TRIM66: variants seen among roughly 807,000 people sequenced by gnomAD.
TRIM66 encodes tripartite motif-containing protein 66.
Under a neutral mutation model 148.2 loss-of-function variants are expected in TRIM66, and 99 were observed. That is an observed-to-expected ratio of 0.67 (90% CI 0.57 to 0.79). The LOEUF is 0.79. Ranked by LOEUF, TRIM66 falls within the 30% of genes least tolerant of loss-of-function variation. The probability of loss-of-function intolerance (pLI) is 0.00; values close to 1 mark genes in which losing one functional copy is unlikely to be tolerated. For synonymous variants in TRIM66, 616 were observed against 635.9 expected (o/e 0.97, Z 0.47); for missense variants, 1,666 against 1,697.9 (o/e 0.98, Z 0.33).
Position 8,621,199 on chromosome 11 carries a change from G to A in TRIM66, c.3378C>T (p.His1126=), listed in dbSNP as rs1420338593. The A allele has an allele frequency of 1.3e-6, 2 of 1,551,730 alleles. No homozygotes were observed. The highest frequency in any genetic ancestry group is 2.4e-5 in the South Asian group (2 of 84,062). Residue 1126 remains histidine, a synonymous_variant, in exon 20 of 25, where the codon CAC becomes CAT. Transcript: ENST00000646038. ...PEVEGTSPEE[H]RLIPRTPGAK... ...CTCCTGGGGTTCGAGGAATGAGTCT[G>A]TGTTCTTCAGGAGATGTGCCCTCCA...
intron 15 of TRIM66, 60 bp from the exon 16 acceptor site, chr11:8,625,288 A>G (rs2034715153): frequency 1.4e-6 from 2 of 1,443,466 alleles, no homozygotes; most frequent in Non-Finnish European, 1.8e-6. Flanking sequence ...AGGGAGGGAG[A>G]GGAGGGACCC....
Position 8,640,422 on chromosome 11 carries a change from G to A in TRIM66, c.1953C>T (p.Asp651=). ...CCAGCTCAAACTTGTGATGCATTATGTCCATGTTCTGAGAACAGGCAGGGC... is the reference window on the plus strand; with the variant it reads ...CCAGCTCAAACTTGTGATGCATTATATCCATGTTCTGAGAACAGGCAGGGC... ...PPGPACSQNM[D]IMHHKFELEE... is the part of the protein sequence containing the mutation. Residue 651 remains aspartate (D), a synonymous_variant, in exon 14 of 25, where the codon GAC becomes GAT. Transcript: ENST00000646038. The A allele has an allele frequency of 1.3e-6, 2 of 1,551,860 alleles. No individual in the cohort carries two copies. The highest frequency in any genetic ancestry group is 1.7e-6 in the Non-Finnish European group (2 of 1,147,072).
In TRIM66 at chr11:8,640,244, G is replaced by C; in HGVS notation, c.2131C>G (p.Gln711Glu). 6.4e-7 allele frequency: 1 copy of C among 1,551,508 alleles called. No individual in the cohort carries two copies. The highest frequency in any genetic ancestry group is 8.7e-7 in the Non-Finnish European group (1 of 1,146,886). Residue 711 changes from glutamine to glutamate, a missense_variant, in exon 14 of 25, where the codon CAG (glutamine) becomes GAG (glutamate). Around this residue, in one of 3 missense-constraint regions of TRIM66, gnomAD observed 1,431 missense variants for 1,412.4 expected, o/e 1.01. Transcript: ENST00000646038. ...RQPAPVQSQS[Q>E]EETLQATDEP... Reference sequence around the variant, plus strand: ...ACGCTTACCTGCAGGGTCTCCTCCTGGCTCTGGGACTGGACAGGTGCTGGC... The same window carrying C: ...ACGCTTACCTGCAGGGTCTCCTCCTCGCTCTGGGACTGGACAGGTGCTGGC...
At chr11:8,630,126 G>C (rs899819650) in intron 15 of TRIM66, among the ~76,000 whole-genome samples, 12 of 152,120 alleles carry the variant, frequency 7.9e-5, no homozygotes, top group Admixed American at 6.6e-4. Context: ...AGATGGGTGG[G>C]GGCAAGGGTA....
chr11:8,658,299 C>T (rs754294319), intron 6 of TRIM66, among the ~76,000 whole-genome samples: 11 of 152,236 alleles, frequency 7.2e-5, no homozygotes, highest in Non-Finnish European at 7.3e-5. Flanking sequence ...CTTCCTAATC[C>T]TCTGGGTGCC....
intron 4 of TRIM66, among the ~76,000 whole-genome samples, chr11:8,674,022 A>G (rs1472436326): frequency 6.6e-6 from 1 of 152,238 alleles, no homozygotes; most frequent in Non-Finnish European, 1.5e-5. Flanking sequence ...CCTTCTGGGC[A>G]TTATTTAGCA....
In TRIM66 at chr11:8,682,609, T is replaced by C. The variant is rs958753732; in HGVS notation, c.-556A>G. The C allele has an allele frequency of 3.2e-6, 2 of 628,980 alleles. No individual in the cohort carries two copies. Among genetic ancestry groups the C allele is most frequent in the Admixed American group, 2.8e-5 (1 of 35,872 alleles). The allele number at this position is 628,980 out of a possible 1,614,324, so 39.0% of individuals were successfully genotyped here. On this transcript the variant is annotated 5_prime_UTR_variant, in exon 1 of 25. Transcript: ENST00000646038. ...AGCACAACGAGCCTCACCGAAACCG[T>C]ACACCGCCACCAGGACACTCCGTGA... is the stretch of plus-strand genomic sequence containing the variant.
At chr11:8,681,978 T>C (rs1443605140) in intron 1 of TRIM66, among the ~76,000 whole-genome samples, 2 of 152,108 alleles carry the variant, frequency 1.3e-5, no homozygotes, top group Non-Finnish European at 1.5e-5. Flanking sequence ...CCCAGGCTGG[T>C]GTTGAACTAC....
intron 1 of TRIM66, among the ~76,000 whole-genome samples, chr11:8,680,277 A>T (rs920053812): frequency 6.6e-6 from 1 of 152,234 alleles, no homozygotes; most frequent in Non-Finnish European, 1.5e-5. Context: ...TCTGTTGGTC[A>T]TAAGGAGCTA....
At chr11:8,677,746 C>A (rs1419329909) in intron 3 of TRIM66, among the ~76,000 whole-genome samples, 1 of 152,178 alleles carries the variant, frequency 6.6e-6, no homozygotes, top group African/African-American at 2.4e-5. Flanking sequence ...ATAAGCTGTT[C>A]TCAAAGACTC....
At position 8,672,027 on chromosome 11, in the gene TRIM66, GC is replaced by G. The variant is rs1165644552; in HGVS notation, c.98del (p.Gly33AlafsTer10). 4 of 1,535,936 alleles carry G rather than the reference GC, an allele frequency of 2.6e-6. No homozygotes were observed. The South Asian group carries it at 4.8e-5, about 18-fold the overall frequency. ...TGCCCATGTCCACAGCCATGCCTGT[GC>G]CCAGGACTGGGGCTTTTCCACTGAT... is the stretch of plus-strand genomic sequence containing the variant. The part of the protein sequence containing the change: ...EDISGKAPVL[G>X]TGMAVDMGMS... On this transcript the variant is annotated frameshift_variant, in exon 6 of 25. Coordinates refer to ENST00000646038, the MANE Select transcript of TRIM66 (RefSeq NM_001388022.1). LOFTEE classifies it high-confidence loss of function.
chr11:8,649,537 A>G (rs746701544), intron 8 of TRIM66, among the ~76,000 whole-genome samples: 93 of 152,100 alleles, frequency 6.1e-4, no homozygotes, highest in Admixed American at 1.0e-3. Flanking sequence ...ATCCACACTC[A>G]TCCACCCCCA....
chr11:8,631,750 C>T (rs1442102865), intron 15 of TRIM66, among the ~76,000 whole-genome samples: 1 of 152,168 alleles, frequency 6.6e-6, no homozygotes, highest in Admixed American at 6.5e-5. Context: ...CCCAAGAAAA[C>T]CATATATTTA....
At chr11:8,682,216 G>A (rs375464509) in intron 1 of TRIM66, among the ~76,000 whole-genome samples, 2 of 152,368 alleles carry the variant, frequency 1.3e-5, no homozygotes, top group East Asian at 3.9e-4. Context: ...AAGCTGCAGT[G>A]CCCACTCAGA....
intron 6 of TRIM66, among the ~76,000 whole-genome samples, chr11:8,662,782 G>A (rs546723777): frequency 7.2e-5 from 11 of 152,200 alleles, no homozygotes; most frequent in African/African-American, 2.6e-4. Flanking sequence ...CCTCACATGG[G>A]GAAGGAAATA....
Position 8,615,052 on chromosome 11 carries a change from C to T in TRIM66, c.*2892G>A, listed in dbSNP as rs2033638512. 6.6e-6 allele frequency: 1 copy of T among 152,294 alleles called. No individual in the cohort carries two copies. Among genetic ancestry groups the T allele is most frequent in the South Asian group, 2.1e-4 (1 of 4,818 alleles). 9.4% of individuals were successfully genotyped at this position (152,294 alleles called of 1,614,324 possible). A position where few individuals can be genotyped will look rare whatever the true frequency, so the allele number is the denominator to read the frequency against. On this transcript the variant is annotated 3_prime_UTR_variant, in exon 25 of 25. Coordinates refer to ENST00000646038, the MANE Select transcript of TRIM66 (RefSeq NM_001388022.1). The stretch of plus-strand genomic sequence containing the variant: ...CAAGCAATTCTCCTGCCTCAGCCTC[C>T]CAAGTAGCTGGGATTACAGGCATGT...
At chr11:8,630,238 G>T (rs1328203268) in intron 15 of TRIM66, among the ~76,000 whole-genome samples, 1 of 152,170 alleles carries the variant, frequency 6.6e-6, no homozygotes, top group East Asian at 1.9e-4. Context: ...GGGCTTGAGA[G>T]CGTGGCCAGG....
rs1324393192 is a variant in TRIM66, at chr11:8,672,239, G to A, written c.27+9C>T. The A allele has an allele frequency of 2.1e-5, 32 of 1,536,160 alleles. No homozygotes were observed. The highest frequency in any genetic ancestry group is 2.5e-5 in the Non-Finnish European group (29 of 1,146,910). On this transcript the variant is annotated intron_variant, in intron 5 of 24. Transcript: ENST00000646038. ...GCTGGAGGCTCATGCCTCAGCCTCA[G>A]TTCCTCACCTGGGACCAAAAAGAGA...
chr11:8,658,002 C>T (rs904542728), intron 6 of TRIM66, among the ~76,000 whole-genome samples: 1 of 152,174 alleles, frequency 6.6e-6, no homozygotes, highest in Non-Finnish European at 1.5e-5. Context: ...TACCAAGCGC[C>T]CAGGAACACC....
Sources: gnomAD v4.1 joint callset for allele counts (sites outside exome capture counted in the v4.1 genomes callset) on GRCh38, gnomAD v4.1.1 for gene constraint, gnomAD v4.1.1 regional missense constraint, MANE v1.5 for transcripts, NCBI Gene and HGNC (gene_info 2026-07-23, HGNC 2026-07-21) for gene names.